Variants in PCDHA4 observed in about 807,000 individuals in gnomAD.
PCDHA4 encodes the protein protocadherin alpha-4.
PCDHA4 carries 49 observed loss-of-function variants against 61.4 expected under a neutral mutation model. That is an observed-to-expected ratio of 0.80 (90% CI 0.63 to 1.01). The LOEUF is 1.01. Ranked by LOEUF, PCDHA4 falls within the 50% of genes least tolerant of loss-of-function variation. The pLI, the probability that PCDHA4 is intolerant of heterozygous loss-of-function variation, is 0.00. For missense variants in PCDHA4, 1,254 were observed against 1,235.8 expected (o/e 1.01, Z -0.22); for synonymous variants, 590 against 550.3 (o/e 1.07, Z -1.01).
At chr5:140,829,788 T>C in intron 1 of PCDHA4, 2 of 1,613,804 alleles carry the variant, frequency 1.2e-6, no homozygotes, top group Non-Finnish European at 8.5e-7. Flanking sequence ...CCGGCGCTGC[T>C]GGCGCCTCGG....
intron 1 of PCDHA4, chr5:140,858,035 A>T: frequency 6.3e-7 from 1 of 1,597,220 alleles, no homozygotes; most frequent in East Asian, 2.2e-5. Context: ...GGCCACGGCC[A>T]CTGTGCTTGT....
intron 1 of PCDHA4, chr5:140,871,468 G>C (rs781821721): frequency 6.2e-7 from 1 of 1,602,172 alleles, no homozygotes; most frequent in East Asian, 2.2e-5. Context: ...GGAAAGACAG[G>C]AGCCAGGGTC....
intron 1 of PCDHA4, chr5:140,850,027 A>G (rs2150464152): frequency 2.5e-6 from 4 of 1,596,758 alleles, no homozygotes; most frequent in Non-Finnish European, 3.4e-6. Context: ...GTGTCAGTGC[A>G]CGCGGAGAGC....
intron 1 of PCDHA4, chr5:140,841,941 C>T (rs2150325943): frequency 1.3e-5 from 21 of 1,613,918 alleles, no homozygotes; most frequent in Non-Finnish European, 1.8e-5. Context: ...GACGCTCCTG[C>T]GCACCACTTA....
intron 1 of PCDHA4, chr5:140,830,139 C>T (rs2150181764): frequency 3.1e-6 from 5 of 1,613,142 alleles, no homozygotes; most frequent in Admixed American, 3.3e-5. Context: ...TCACGGGCGT[C>T]GGTGGGCGCC....
intron 1 of PCDHA4, among the ~76,000 whole-genome samples, chr5:140,948,721 A>G (rs1392170905): frequency 2.0e-5 from 3 of 151,530 alleles, no homozygotes; most frequent in African/African-American, 7.2e-5. Flanking sequence ...CTTTTTTATC[A>G]ATAAGTCTAG....
intron 1 of PCDHA4, among the ~76,000 whole-genome samples, chr5:140,962,298 A>T (rs2095671297): frequency 6.6e-6 from 1 of 152,204 alleles, no homozygotes; most frequent in South Asian, 2.1e-4. Context: ...ATATTCTATG[A>T]TTCTTGTTAG....
intron 1 of PCDHA4, among the ~76,000 whole-genome samples, chr5:140,917,324 C>CGGGG (rs1299895515): frequency 3.9e-5 from 3 of 76,180 alleles, no homozygotes; most frequent in African/African-American, 8.6e-5. Context: ...GTTCATGTGG[C>CGGGG]GGGGGAGGGG....
rs564683374 is a variant in PCDHA4 at position 140,850,519 on chromosome 5, C to A, written c.2385+40947C>A. 1.1e-5 allele frequency: 17 copies of A among 1,598,126 alleles called. 1 individual carries two copies. Among genetic ancestry groups the A allele is most frequent in the Admixed American group, 1.7e-5 (1 of 59,294 alleles). On this transcript the variant is annotated intron_variant, in intron 1 of 3. Coordinates refer to ENST00000530339, the MANE Select transcript of PCDHA4 (RefSeq NM_018907.4). ...GTGTCGCTGGTGGAGAGCGGCCAGG[C>A]GCCAAAGTCATCGTCGCGGGCGTCA...
At chr5:140,883,978 T>G in intron 1 of PCDHA4, 1 of 1,612,780 alleles carries the variant, frequency 6.2e-7, no homozygotes, top group Non-Finnish European at 8.5e-7. Flanking sequence ...CGCCCGGGGC[T>G]GGCAGCGCGG....
intron 1 of PCDHA4, among the ~76,000 whole-genome samples, chr5:140,827,069 GC>G (rs1769168909): frequency 6.6e-6 from 1 of 152,160 alleles, no homozygotes; most frequent in Non-Finnish European, 1.5e-5. Context: ...CTCATGCCTT[GC>G]TATTTAACAA....
Position 140,885,793 on chromosome 5 carries a change from A to G in PCDHA4, c.2385+76221A>G, listed in dbSNP as rs541928241. On this transcript the variant is annotated intron_variant, in intron 1 of 3. Coordinates refer to ENST00000530339, the MANE Select transcript of PCDHA4 (RefSeq NM_018907.4). ...TATTAGTGAATTTGAGCATATTGTCATATGTATTTTGTTGATTTGTATTTG... is the reference window on the plus strand; with the variant it reads ...TATTAGTGAATTTGAGCATATTGTCGTATGTATTTTGTTGATTTGTATTTG... Among the ~76,000 whole-genome samples the G allele has an allele frequency of 2.0e-5, 3 of 152,162 alleles. No homozygotes were observed. The South Asian group carries it at 6.2e-4, about 32-fold the overall frequency.
rs2150111777 is a variant in PCDHA4, at chr5:140,821,900, C to A, written c.2385+12328C>A. On this transcript the variant is annotated intron_variant, in intron 1 of 3. Coordinates refer to ENST00000530339, the MANE Select transcript of PCDHA4 (RefSeq NM_018907.4). ...ATCCCGGAGGAAGCCAAACACGGAA[C>A]CTTCGTTGGCCGCATCGCGCAGGAC... is the stretch of plus-strand genomic sequence containing the variant. 24 of 1,614,088 alleles carry A rather than the reference C, an allele frequency of 1.5e-5. No individual in the cohort carries two copies. The East Asian group carries it at 2.4e-4, about 16-fold the overall frequency.
At position 140,827,869 on chromosome 5, in the gene PCDHA4, C is replaced by T; in HGVS notation, c.2385+18297C>T. ...TGTTTTAAAAATATATGGTATAGCA[C>T]TGTTACGTGAATTGATTTCTTACCT... On this transcript the variant is annotated intron_variant, in intron 1 of 3. Coordinates refer to ENST00000530339, the MANE Select transcript of PCDHA4 (RefSeq NM_018907.4). 8.0e-6 allele frequency: 5 copies of T among 625,262 alleles called. No individual in the cohort carries two copies. In the South Asian group the frequency reaches 8.1e-5, roughly 10 times the overall value. The allele number at this position is 625,262 out of a possible 1,614,324, so 38.7% of individuals were successfully genotyped here.
chr5:140,892,332 T>C (rs552266223), intron 1 of PCDHA4, among the ~76,000 whole-genome samples: 41 of 152,392 alleles, frequency 2.7e-4, no homozygotes, highest in African/African-American at 9.9e-4. Flanking sequence ...TTCTCCAGAA[T>C]GGATTTTAAT....
At chr5:140,877,656 C>G (rs782196097) in intron 1 of PCDHA4, 6 of 1,613,560 alleles carry the variant, frequency 3.7e-6, no homozygotes, top group Non-Finnish European at 5.1e-6. Flanking sequence ...CGCCGCCCAC[C>G]GTGAGCCGGT....
Position 141,009,873 on chromosome 5 carries a change from A to C in PCDHA4, c.2780A>C (p.Lys927Thr), listed in dbSNP as rs782413551. The C allele has an allele frequency of 1.2e-6, 2 of 1,613,916 alleles. No homozygotes were observed. The highest frequency in any genetic ancestry group is 2.7e-5 in the African/African-American group (2 of 74,862). The change falls in exon 4 of 4, where the codon AAG (lysine) becomes ACG (threonine). Residue 927 changes from lysine to threonine, a missense_variant. Lys to Thr is a moderately conservative substitution (Grantham distance 78). Transcript: ENST00000530339. ...ACCAAGAAAAAGAAGAAAAAGAAGA[A>C]GGGTAACAAGACCCAGGAGAAAAAA... ...EETKKKKKKK[K>T]GNKTQEKKEK...
chr5:140,822,148 A>T, intron 1 of PCDHA4: 1 of 1,614,274 alleles, frequency 6.2e-7, no homozygotes, highest in African/African-American at 1.3e-5. Context: ...AGTGAAGGAC[A>T]TCAATGACAA....
At chr5:140,910,095 C>T (rs1011405673) in intron 1 of PCDHA4, among the ~76,000 whole-genome samples, 1 of 152,188 alleles carries the variant, frequency 6.6e-6, no homozygotes, top group Non-Finnish European at 1.5e-5. Flanking sequence ...GAACCAGCCT[C>T]CCCTTCATTT....
Sources: allele counts gnomAD v4.1 joint callset (sites outside exome capture counted in the v4.1 genomes callset), GRCh38; gene constraint gnomAD v4.1.1; transcripts MANE v1.5; gene names NCBI Gene and HGNC (gene_info 2026-07-23, HGNC 2026-07-21).